The following CD38 variants were observed in gnomAD, a reference collection of about 807,000 sequenced individuals.
CD38 encodes the protein ADP-ribosyl cyclase/cyclic ADP-ribose hydrolase 1.
A neutral mutation model predicts 36.3 loss-of-function variants in CD38; 31 were observed. The observed-to-expected ratio is 0.85, with a 90% CI of 0.64 to 1.15. The LOEUF (loss-of-function observed/expected upper bound fraction) is 1.15, where lower values mean the gene tolerates loss of function less well. CD38 is among the 50% of genes most tolerant of loss of function. The probability of loss-of-function intolerance (pLI) is 0.00; values close to 1 mark genes in which losing one functional copy is unlikely to be tolerated. For missense variants in CD38, 380 were observed against 371.9 expected (o/e 1.02, Z -0.18); for synonymous variants, 131 against 135.2 (o/e 0.97, Z 0.22).
intron 1 of CD38, among the ~76,000 whole-genome samples, chr4:15,786,820 C>T (rs954077082): frequency 1.3e-5 from 2 of 152,198 alleles, no homozygotes; most frequent in Non-Finnish European, 2.9e-5. Flanking sequence ...CAGGAGCCCA[C>T]GGCAGGGAGG....
At chr4:15,779,424 C>G (rs925472947) in intron 1 of CD38, among the ~76,000 whole-genome samples, 1 of 152,210 alleles carries the variant, frequency 6.6e-6, no homozygotes, top group African/African-American at 2.4e-5. Flanking sequence ...AAGGGAACAA[C>G]CACTTTTTGG....
At chr4:15,816,450 T>C (rs1723596151) in intron 1 of CD38, 61 bp from the exon 2 acceptor site, 1 of 1,383,842 alleles carries the variant, frequency 7.2e-7, no homozygotes, top group Non-Finnish European at 9.9e-7. Flanking sequence ...AAAATAATTA[T>C]GCTCCAAAAA....
chr4:15,792,549 G>T (rs955515287), intron 1 of CD38, among the ~76,000 whole-genome samples: 1 of 151,098 alleles, frequency 6.6e-6, no homozygotes, highest in Non-Finnish European at 1.5e-5. Flanking sequence ...GTAAAACTAG[G>T]GCTAATAATA....
chr4:15,810,996 G>C (rs898167617), intron 1 of CD38, among the ~76,000 whole-genome samples: 1 of 152,014 alleles, frequency 6.6e-6, no homozygotes, highest in Non-Finnish European at 1.5e-5. Flanking sequence ...GTATCTCTTC[G>C]TTTTGATTTC....
At chr4:15,781,868 AC>A (rs1407279809) in intron 1 of CD38, among the ~76,000 whole-genome samples, 1 of 152,156 alleles carries the variant, frequency 6.6e-6, no homozygotes, top group Non-Finnish European at 1.5e-5. Flanking sequence ...ATAAACAACC[AC>A]CCTAAAATTT....
At chr4:15,812,415 T>C (rs1310242698) in intron 1 of CD38, among the ~76,000 whole-genome samples, 1 of 152,214 alleles carries the variant, frequency 6.6e-6, no homozygotes, top group African/African-American at 2.4e-5. Flanking sequence ...TTAAGTCTTC[T>C]GGCCGGGCAC....
intron 7 of CD38, among the ~76,000 whole-genome samples, 171 bp downstream of exon 7, chr4:15,840,709 C>T (rs776065514): frequency 1.3e-5 from 2 of 152,186 alleles, no homozygotes; most frequent in African/African-American, 2.4e-5. Context: ...AAGCCGAGTC[C>T]AGAAGGTATC....
rs918422659 is a variant in CD38, at chr4:15,849,803, G to T, written c.*1201G>T. ...ATTTACGTATTCAGCTTCTTGAGAT[G>T]GAAGTTTAGATCACTGATCCTTCAG... On this transcript the variant is annotated 3_prime_UTR_variant, in exon 8 of 8. Transcript: ENST00000226279. The T allele has an allele frequency of 1.3e-5, 2 of 152,078 alleles. No homozygotes were observed. The highest frequency in any genetic ancestry group is 2.9e-5 in the Non-Finnish European group (2 of 68,004). The allele number at this position is 152,078 out of a possible 1,614,324, so 9.4% of individuals were successfully genotyped here.
rs1560324057 is a variant in CD38 at position 15,851,957 on chromosome 4, CAT to C, written c.*3358_*3359del. The C allele has an allele frequency of 6.6e-6, 1 of 151,392 alleles. No homozygotes were observed. Among genetic ancestry groups the C allele is most frequent in the Non-Finnish European group, 1.5e-5 (1 of 68,036 alleles). The allele number at this position is 151,392 out of a possible 1,614,324, so 9.4% of individuals were successfully genotyped here. ...GATGGTAAATGTTTGTGTATCTAAA[CAT>C]ATCTAAACATAGAAAAGGTACAGTA... On this transcript the variant is annotated 3_prime_UTR_variant, in exon 8 of 8. Transcript: ENST00000226279.
chr4:15,778,483 A>C lies in CD38; in HGVS notation c.69A>C (p.Gln23His), dbSNP rs200626991. The change falls in exon 1 of 8, where the codon CAA (glutamine) becomes CAC (histidine). Residue 23 changes from glutamine to histidine, a missense_variant. Gln to His is a conservative substitution (Grantham distance 24). Transcript: ENST00000226279. The surrounding 1 kb of genome is among the most constrained non-coding windows in gnomAD (Gnocchi z 4.9). ...GCTGCCGGCTCTCTAGGAGAGCCCAACTCTGTCTTGGCGTCAGTATCCTGG... is the reference window on the plus strand; with the variant it reads ...GCTGCCGGCTCTCTAGGAGAGCCCACCTCTGTCTTGGCGTCAGTATCCTGG... The part of the protein sequence containing the change: ...KPCCRLSRRA[Q>H]LCLGVSILVL... The C allele has an allele frequency of 6.2e-7, 1 of 1,612,490 alleles. No individual in the cohort carries two copies. Among genetic ancestry groups the C allele is most frequent in the Non-Finnish European group, 8.5e-7 (1 of 1,179,822 alleles).
At chr4:15,811,704 A>G (rs910348969) in intron 1 of CD38, among the ~76,000 whole-genome samples, 6 of 152,180 alleles carry the variant, frequency 3.9e-5, no homozygotes, top group African/African-American at 1.2e-4. Flanking sequence ...CTGGTTTTTG[A>G]GAAAAGCAAA....
intron 1 of CD38, among the ~76,000 whole-genome samples, chr4:15,810,724 A>G (rs1723449769): frequency 6.6e-6 from 1 of 152,232 alleles, no homozygotes; most frequent in Non-Finnish European, 1.5e-5. Flanking sequence ...TGGTGCACAG[A>G]TATTGGAAAG....
intron 2 of CD38, among the ~76,000 whole-genome samples, chr4:15,823,033 C>T (rs78655264): frequency 6.6e-6 from 1 of 152,072 alleles, no homozygotes; most frequent in Non-Finnish European, 1.5e-5. Flanking sequence ...AACTACACAT[C>T]TGCAGCCATC....
chr4:15,831,404 A>G (rs1723955768), intron 3 of CD38, among the ~76,000 whole-genome samples: 1 of 152,142 alleles, frequency 6.6e-6, no homozygotes, highest in Non-Finnish European at 1.5e-5. Flanking sequence ...TAAATTGCTC[A>G]TTAATATCCT....
chr4:15,833,741 G>A (rs913024685), intron 3 of CD38, among the ~76,000 whole-genome samples: 2 of 152,190 alleles, frequency 1.3e-5, no homozygotes, highest in African/African-American at 4.8e-5. Flanking sequence ...TTCACTCAGG[G>A]TTAAGACTGC....
chr4:15,839,533 C>A (rs991421126), intron 5 of CD38, among the ~76,000 whole-genome samples: 1 of 149,568 alleles, frequency 6.7e-6, no homozygotes, highest in African/African-American at 2.5e-5. Flanking sequence ...ACGCCATTCT[C>A]CTCCCTCAGC....
intron 4 of CD38, among the ~76,000 whole-genome samples, chr4:15,835,448 G>T (rs1428795714): frequency 1.5e-5 from 2 of 129,652 alleles, no homozygotes; most frequent in Admixed American, 9.6e-5. Context: ...TGTGATCTCG[G>T]CTCCCTGCAA....
intron 2 of CD38, among the ~76,000 whole-genome samples, chr4:15,823,574 A>G (rs946274245): frequency 3.3e-5 from 5 of 152,204 alleles, no homozygotes; most frequent in African/African-American, 1.2e-4. Context: ...TATGAAAAAA[A>G]GCTCAACATC....
Position 15,850,082 on chromosome 4 carries a change from G to A in CD38, c.*1480G>A, listed in dbSNP as rs1019162850. 2 of 152,152 alleles carry A rather than the reference G, an allele frequency of 1.3e-5. No homozygotes were observed. The highest frequency in any genetic ancestry group is 2.9e-5 in the Non-Finnish European group (2 of 68,042). The allele number at this position is 152,152 out of a possible 1,614,324, so 9.4% of individuals were successfully genotyped here. A position where few individuals can be genotyped will look rare whatever the true frequency, so the allele number is the denominator to read the frequency against. On this transcript the variant is annotated 3_prime_UTR_variant, in exon 8 of 8. Transcript: ENST00000226279. ...AGCACTTTGGGAGGCCGAGACGGGAGGATCGCCTGAGCTCAGGAGTTTTTA... is the reference window on the plus strand; with the variant it reads ...AGCACTTTGGGAGGCCGAGACGGGAAGATCGCCTGAGCTCAGGAGTTTTTA...
Sources: allele counts gnomAD v4.1 joint callset (sites outside exome capture counted in the v4.1 genomes callset), GRCh38; gene constraint gnomAD v4.1.1; non-coding constraint Gnocchi (gnomAD v3.1); transcripts MANE v1.5; gene names NCBI Gene and HGNC (gene_info 2026-07-23, HGNC 2026-07-21).